Variants in WWOX observed in about 807,000 individuals in gnomAD.
WWOX encodes WW domain-containing oxidoreductase.
In WWOX, 69 loss-of-function variants were observed where a neutral mutation model predicts 46.2. The observed-to-expected ratio is 1.49, with a 90% CI of 1.23 to 1.82. The LOEUF (loss-of-function observed/expected upper bound fraction) is 1.82. Ranked by LOEUF, WWOX falls within the 40% of genes most tolerant of loss-of-function variation. The probability of loss-of-function intolerance (pLI) is 0.00; values close to 1 mark genes in which losing one functional copy is unlikely to be tolerated. For missense variants in WWOX, 919 were observed against 542.6 expected (o/e 1.69, Z -6.89); for synonymous variants, 359 against 202.6 (o/e 1.77, Z -6.56).
At chr16:78,639,498 C>T (rs1597382121) in intron 8 of WWOX, among the ~76,000 whole-genome samples, 1 of 152,004 alleles carries the variant, frequency 6.6e-6, no homozygotes, top group South Asian at 2.1e-4. Context: ...CCGGAGTTGC[C>T]TCTGGGAGGA....
intron 8 of WWOX, among the ~76,000 whole-genome samples, chr16:78,554,796 G>A (rs1163874262): frequency 2.0e-5 from 3 of 152,180 alleles, no homozygotes; most frequent in Non-Finnish European, 4.4e-5. Context: ...CTATCTGTCA[G>A]AAGCCCACTG....
At chr16:79,181,816 A>G (rs1219671060) in intron 8 of WWOX, among the ~76,000 whole-genome samples, 1 of 152,206 alleles carries the variant, frequency 6.6e-6, no homozygotes, top group Non-Finnish European at 1.5e-5. Flanking sequence ...CTGCAGGTTT[A>G]GGCTGCATGT....
intron 8 of WWOX, among the ~76,000 whole-genome samples, chr16:78,980,041 T>C (rs902439269): frequency 6.6e-6 from 1 of 152,104 alleles, no homozygotes. Flanking sequence ...GGCAGGAGAA[T>C]CACTTGAACT....
intron 8 of WWOX, among the ~76,000 whole-genome samples, chr16:78,636,805 ACCT>A (rs2151668469): frequency 6.6e-6 from 1 of 152,114 alleles, no homozygotes; most frequent in Non-Finnish European, 1.5e-5. Context: ...GAGGCATTCA[ACCT>A]CCTGTTAATT....
chr16:78,164,918 G>A (rs78777402), intron 5 of WWOX, among the ~76,000 whole-genome samples: 9 of 152,174 alleles, frequency 5.9e-5, no homozygotes, highest in African/African-American at 2.2e-4. Context: ...CATCAGCAGG[G>A]AGCCTTCCAA....
chr16:78,585,123 G>T (rs901265277), intron 8 of WWOX, among the ~76,000 whole-genome samples: 4 of 152,180 alleles, frequency 2.6e-5, no homozygotes, highest in Admixed American at 1.3e-4. Flanking sequence ...AGCCATGTCC[G>T]TGTGAACTAA....
intron 5 of WWOX, among the ~76,000 whole-genome samples, chr16:78,293,744 G>A (rs1316463310): frequency 1.3e-5 from 2 of 152,016 alleles, no homozygotes; most frequent in African/African-American, 2.4e-5. Context: ...TTGAGAGGCC[G>A]AGGCTGGCAG....
At chr16:78,735,425 AC>A (rs1448018514) in intron 8 of WWOX, among the ~76,000 whole-genome samples, 44 of 151,040 alleles carry the variant, frequency 2.9e-4, no homozygotes, top group African/African-American at 2.2e-4. Context: ...ACACACACAC[AC>A]TAATATGGTT....
chr16:79,095,463 G>C (rs975953965), intron 8 of WWOX, among the ~76,000 whole-genome samples: 3 of 152,158 alleles, frequency 2.0e-5, no homozygotes, highest in African/African-American at 7.2e-5. Flanking sequence ...AGAAGAGGTG[G>C]GGGCAGCAGG....
At chr16:78,828,198 G>C (rs913226328) in intron 8 of WWOX, among the ~76,000 whole-genome samples, 1 of 152,182 alleles carries the variant, frequency 6.6e-6, no homozygotes. Flanking sequence ...GTTGGGGGCT[G>C]AGGACTTCAA....
At chr16:78,449,771 G>C (rs570271410) in intron 8 of WWOX, among the ~76,000 whole-genome samples, 3 of 152,150 alleles carry the variant, frequency 2.0e-5, no homozygotes, top group Non-Finnish European at 4.4e-5. Flanking sequence ...CTAAAGTCAA[G>C]TATTTGCTTT....
intron 8 of WWOX, among the ~76,000 whole-genome samples, chr16:78,777,853 C>T (rs1013187925): frequency 2.6e-5 from 4 of 151,824 alleles, no homozygotes; most frequent in Admixed American, 1.3e-4. Context: ...AAGAGCATCC[C>T]GGCCAGCATG....
intron 8 of WWOX, among the ~76,000 whole-genome samples, chr16:78,919,634 C>G (rs2045332189): frequency 6.6e-6 from 1 of 151,050 alleles, no homozygotes. Flanking sequence ...TCTCCTGCCT[C>G]ATGCTCCCGA....
rs547757423 is a variant in WWOX, at chr16:78,281,776, G to A, written c.517-105084G>A. Among the ~76,000 whole-genome samples the A allele has an allele frequency of 3.9e-5, 6 of 152,194 alleles. No individual in the cohort carries two copies. In the East Asian group the frequency reaches 5.8e-4, roughly 15 times the overall value. On this transcript the variant is annotated intron_variant, in intron 5 of 8. Transcript: ENST00000566780. ...GTGAAGCATTTTTAGCCTGTGTGCT[G>A]TATAAGAACACAGCCGTGTTTGGCC...
chr16:78,205,998 C>T (rs2036383320), intron 5 of WWOX, among the ~76,000 whole-genome samples: 1 of 151,182 alleles, frequency 6.6e-6, no homozygotes, highest in South Asian at 2.1e-4. Context: ...TCCTCCCTTC[C>T]TGTCTCCATT....
At chr16:78,818,953 A>G (rs2051418660) in intron 8 of WWOX, among the ~76,000 whole-genome samples, 1 of 152,206 alleles carries the variant, frequency 6.6e-6, no homozygotes, top group East Asian at 1.9e-4. Context: ...TCTGAGTTGA[A>G]TGTTCCAGGG....
chr16:78,288,750 C>T (rs938955038), intron 5 of WWOX, among the ~76,000 whole-genome samples: 1 of 152,092 alleles, frequency 6.6e-6, no homozygotes, highest in East Asian at 1.9e-4. Context: ...TTGAACTAAC[C>T]ACAATGGGTC....
chr16:78,987,739 G>A (rs554431911), intron 8 of WWOX, among the ~76,000 whole-genome samples: 145 of 152,176 alleles, frequency 9.5e-4, no homozygotes, highest in African/African-American at 3.0e-3. Context: ...GCGATATGTC[G>A]GCCCAAACTC....
At chr16:78,385,890 C>T (rs984964809) in intron 5 of WWOX, among the ~76,000 whole-genome samples, 3 of 152,152 alleles carry the variant, frequency 2.0e-5, no homozygotes, top group Non-Finnish European at 4.4e-5. Flanking sequence ...AGTATTTAAT[C>T]TCGCACTCCG....
Sources: gnomAD v4.1 joint callset for allele counts (sites outside exome capture counted in the v4.1 genomes callset) on GRCh38, gnomAD v4.1.1 for gene constraint, MANE v1.5 for transcripts, NCBI Gene and HGNC (gene_info 2026-07-23, HGNC 2026-07-21) for gene names.